SEM1: variants seen among roughly 807,000 people sequenced by gnomAD.
The protein encoded by SEM1 is 26S proteasome complex subunit SEM1.
In SEM1, 3 loss-of-function variants were observed where a neutral mutation model predicts 12.7. The observed-to-expected ratio is 0.24, with a 90% CI of 0.11 to 0.61. The LOEUF (loss-of-function observed/expected upper bound fraction) is 0.61, where lower values mean the gene tolerates loss of function less well. Among genes scored for constraint, SEM1 ranks in the 20% least tolerant of loss-of-function variants. SEM1 has a pLI of 0.88. For missense variants in SEM1, 59 were observed against 81.3 expected (o/e 0.73, Z 1.06); for synonymous variants, 30 against 27.8 (o/e 1.08, Z -0.25).
rs541466736 is a variant in SEM1, at chr7:96,679,929, C to T, written c.171-6070G>A. 1.2e-4 allele frequency among the ~76,000 whole-genome samples: 19 copies of T among 152,242 alleles called. No individual in the cohort carries two copies. The South Asian group carries it at 3.5e-3, about 28-fold the overall frequency. On this transcript the variant is annotated intron_variant, in intron 2 of 2. Transcript: ENST00000413065. Reference sequence around the variant, plus strand: ...CTTATTTCTTCATCATTTACCACTTCCACGCAGGAAAGCTCCACTTTCAGC... The same window carrying T: ...CTTATTTCTTCATCATTTACCACTTTCACGCAGGAAAGCTCCACTTTCAGC...
chr7:96,700,547 A>T (rs1790238862), intron 1 of SEM1, among the ~76,000 whole-genome samples: 1 of 152,148 alleles, frequency 6.6e-6, no homozygotes, highest in Admixed American at 6.5e-5. Context: ...GTTGAAAAAA[A>T]TCTGTGTATA....
chr7:96,527,124 A>G (rs561395366), intron 2 of SEM1, among the ~76,000 whole-genome samples: 14 of 152,168 alleles, frequency 9.2e-5, no homozygotes, highest in South Asian at 6.2e-4. Flanking sequence ...TGAAAGATAT[A>G]TAATGCATAC....
chr7:96,575,383 C>T (rs1337165766), intron 2 of SEM1, among the ~76,000 whole-genome samples: 1 of 152,136 alleles, frequency 6.6e-6, no homozygotes, highest in Non-Finnish European at 1.5e-5. Context: ...CCAGAGCTCT[C>T]CTCTATGAGG....
intron 2 of SEM1, among the ~76,000 whole-genome samples, chr7:96,616,324 G>T (rs1163111536): frequency 1.3e-5 from 2 of 151,964 alleles, no homozygotes; most frequent in African/African-American, 4.8e-5. Context: ...ATGTTTCTTG[G>T]CCACTTGTGT....
At chr7:96,566,469 A>G (rs1206425229) in intron 2 of SEM1, among the ~76,000 whole-genome samples, 4 of 151,592 alleles carry the variant, frequency 2.6e-5, no homozygotes, top group Non-Finnish European at 5.9e-5. Flanking sequence ...TGCTCATGTC[A>G]TCCTCCCATT....
intron 1 of SEM1, among the ~76,000 whole-genome samples, chr7:96,493,915 G>GT (rs1197553747): frequency 2.0e-5 from 3 of 151,926 alleles, no homozygotes; most frequent in African/African-American, 7.3e-5. Context: ...ACATTTTTTA[G>GT]TTTTGCTCCC....
At chr7:96,487,491 G>A (rs754102077) in intron 1 of SEM1, among the ~76,000 whole-genome samples, 24 of 149,786 alleles carry the variant, frequency 1.6e-4, no homozygotes, top group South Asian at 2.1e-4. Context: ...TGTGCCCTAC[G>A]GTGAGTGGCT....
At chr7:96,509,969 G>A (rs935207070) in intron 2 of SEM1, among the ~76,000 whole-genome samples, 3 of 151,994 alleles carry the variant, frequency 2.0e-5, no homozygotes, top group Admixed American at 6.6e-5. Context: ...TTCTGGGGAC[G>A]GATGGTGGTG....
At chr7:96,639,824 G>A (rs755884648) in intron 2 of SEM1, among the ~76,000 whole-genome samples, 3 of 151,806 alleles carry the variant, frequency 2.0e-5, no homozygotes, top group East Asian at 3.9e-4. Flanking sequence ...TACAAAAGAC[G>A]TATTTGATAA....
intron 2 of SEM1, among the ~76,000 whole-genome samples, chr7:96,601,220 A>G (rs1807188342): frequency 6.6e-6 from 1 of 152,246 alleles, no homozygotes. Context: ...GGAGTTCATT[A>G]AGGAACCAGA....
intron 2 of SEM1, among the ~76,000 whole-genome samples, chr7:96,570,084 C>A (rs1189075391): frequency 6.6e-6 from 1 of 151,770 alleles, no homozygotes; most frequent in Admixed American, 6.6e-5. Context: ...ATGTTTAGTT[C>A]TTTGAGAAAC....
chr7:96,629,720 A>G (rs780260198), intron 2 of SEM1, among the ~76,000 whole-genome samples: 3 of 152,038 alleles, frequency 2.0e-5, no homozygotes, highest in Non-Finnish European at 2.9e-5. Context: ...TTGGGCATTG[A>G]AGAGTTAGGT....
rs1348403400 is a variant in SEM1 at position 96,510,050 on chromosome 7, AT to A, written c.171-3353del. Among the ~76,000 whole-genome samples the A allele has an allele frequency of 5.3e-5, 8 of 152,248 alleles. No individual in the cohort carries two copies. The South Asian group carries it at 1.5e-3, about 28-fold the overall frequency. On this transcript the variant is annotated intron_variant and NMD_transcript_variant, in intron 2 of 3. Transcript: ENST00000466986. The stretch of plus-strand genomic sequence containing the variant: ...ATTTTAAAAATGGTTAAAGTGATAC[AT>A]TTTTTCTTACATATAAATTACCATA...
downstream of SEM1, among the ~76,000 whole-genome samples, chr7:96,684,238 T>C (rs1392529161): frequency 6.6e-6 from 1 of 152,062 alleles, no homozygotes; most frequent in Non-Finnish European, 1.5e-5. Flanking sequence ...GTGTGCTATT[T>C]TATGAAGCAG....
intron 2 of SEM1, among the ~76,000 whole-genome samples, chr7:96,641,732 C>G (rs567241054): frequency 1.1e-3 from 162 of 152,086 alleles, no homozygotes; most frequent in African/African-American, 3.8e-3. Flanking sequence ...AGACTATTGT[C>G]TTTAACGTTT....
At chr7:96,536,930 T>C (rs1341182201) in intron 2 of SEM1, among the ~76,000 whole-genome samples, 2 of 151,822 alleles carry the variant, frequency 1.3e-5, no homozygotes, top group Admixed American at 1.3e-4. Flanking sequence ...ATTGGTACAG[T>C]TGGATTAATA....
intron 2 of SEM1, among the ~76,000 whole-genome samples, chr7:96,519,728 C>G (rs1237516156): frequency 6.6e-6 from 1 of 152,022 alleles, no homozygotes; most frequent in Non-Finnish European, 1.5e-5. Context: ...AAACCAGTGT[C>G]CTGAAAAGAT....
At chr7:96,636,533 G>A (rs1333814091) in intron 2 of SEM1, among the ~76,000 whole-genome samples, 1 of 151,942 alleles carries the variant, frequency 6.6e-6, no homozygotes, top group Non-Finnish European at 1.5e-5. Context: ...CCTCAGGAAT[G>A]CCTACTCATC....
exon 1 of SEM1, chr7:96,496,291 T>C (rs1803253701): frequency 6.6e-7 from 1 of 1,520,568 alleles, no homozygotes. Flanking sequence ...TACCTGGCAA[T>C]ACATGTTCTT....
Sources: allele counts gnomAD v4.1 joint callset (sites outside exome capture counted in the v4.1 genomes callset), GRCh38; gene constraint gnomAD v4.1.1; transcripts MANE v1.5; gene names NCBI Gene and HGNC (gene_info 2026-07-23, HGNC 2026-07-21).